VPS8: variants seen among roughly 807,000 people sequenced by gnomAD.
The protein encoded by VPS8 is vacuolar protein sorting-associated protein 8 homolog.
In VPS8, 129 loss-of-function variants were observed where a neutral mutation model predicts 216.4. That is an observed-to-expected ratio of 0.60 (90% CI 0.52 to 0.69). VPS8 has a LOEUF of 0.69. Among genes scored for constraint, VPS8 ranks in the 30% least tolerant of loss-of-function variants. The pLI, the probability that VPS8 is intolerant of heterozygous loss-of-function variation, is 0.00. For missense variants in VPS8, 1,531 were observed against 1,683.5 expected (o/e 0.91, Z 1.59); for synonymous variants, 571 against 565.4 (o/e 1.01, Z -0.14).
chr3:184,902,010 A>AT, intron 25 of VPS8, among the ~76,000 whole-genome samples: 1 of 151,834 alleles, frequency 6.6e-6, no homozygotes, highest in South Asian at 2.1e-4. Context: ...TTTCATTGTG[A>AT]TTTTAATTTT....
At chr3:184,863,156 G>A (rs1336848627) in intron 16 of VPS8, 89 bp downstream of exon 16, 1 of 1,485,226 alleles carries the variant, frequency 6.7e-7, no homozygotes, top group African/African-American at 1.4e-5. Flanking sequence ...AGGAACTCTG[G>A]GGAGTTACCT....
rs549180934 is a variant in VPS8, at chr3:184,951,463, C to G, written c.3036-5911C>G. Among the ~76,000 whole-genome samples, 29 of 148,142 alleles carry G rather than the reference C, an allele frequency of 2.0e-4. No homozygotes were observed. The South Asian group carries it at 5.7e-3, about 29-fold the overall frequency. The stretch of plus-strand genomic sequence containing the variant: ...TTACAGCACTTCACTCCAGCCAGGA[C>G]GACAGAGTGAGACTGTCTAAAAAAA... On this transcript the variant is annotated intron_variant, in intron 36 of 47. Coordinates refer to ENST00000625842, the MANE Select transcript of VPS8 (RefSeq NM_001009921.3).
chr3:184,922,989 A>G (rs923416272), intron 29 of VPS8, among the ~76,000 whole-genome samples: 2 of 152,096 alleles, frequency 1.3e-5, no homozygotes, highest in Non-Finnish European at 2.9e-5. Context: ...TAGAGTTTTT[A>G]TAACTTGAAA....
intron 23 of VPS8, among the ~76,000 whole-genome samples, chr3:184,897,856 T>G (rs1733792494): frequency 6.6e-6 from 1 of 152,140 alleles, no homozygotes; most frequent in Non-Finnish European, 1.5e-5. Context: ...CCTAAATATT[T>G]TCTCTGATTT....
intron 10 of VPS8, among the ~76,000 whole-genome samples, chr3:184,850,872 C>T (rs939861875): frequency 3.3e-5 from 5 of 152,142 alleles, no homozygotes; most frequent in African/African-American, 7.2e-5. Context: ...GACAGAGCAG[C>T]GTTGAAGCAT....
At chr3:184,937,736 T>C (rs909604642) in intron 35 of VPS8, among the ~76,000 whole-genome samples, 1 of 152,156 alleles carries the variant, frequency 6.6e-6, no homozygotes, top group Non-Finnish European at 1.5e-5. Context: ...ATAAAAGCCT[T>C]GAAGGCATAA....
rs770567499 is a variant in VPS8, at chr3:184,870,820, T to C, written c.1734+15T>C. 3 of 1,600,988 alleles carry C rather than the reference T, an allele frequency of 1.9e-6. No individual in the cohort carries two copies. The African/African-American group carries it at 4.0e-5, about 21-fold the overall frequency. On this transcript the variant is annotated intron_variant, in intron 21 of 47. Coordinates refer to ENST00000625842, the MANE Select transcript of VPS8 (RefSeq NM_001009921.3). Reference sequence around the variant, plus strand: ...AGCATTTTCAGGTACACATTGCATGTGCTTCCAGTAGACGATGCTCTGGAT... The same window carrying C: ...AGCATTTTCAGGTACACATTGCATGCGCTTCCAGTAGACGATGCTCTGGAT...
chr3:184,867,093 T>A (rs1727499971), intron 17 of VPS8, 143 bp downstream of exon 17: 1 of 639,042 alleles, frequency 1.6e-6, no homozygotes, highest in South Asian at 3.5e-5. Flanking sequence ...TAGGTAGGCA[T>A]GATTTTTAGT....
At chr3:184,922,343 T>C in intron 29 of VPS8, 1 of 435,362 alleles carries the variant, frequency 2.3e-6, no homozygotes, top group Non-Finnish European at 4.6e-6. Context: ...CTTATCTGTC[T>C]TATGTAGACT....
rs577744210 is a variant in VPS8 at position 184,917,973 on chromosome 3, A to G, written c.2383-2154A>G. On this transcript the variant is annotated intron_variant, in intron 28 of 47. Transcript: ENST00000625842. The stretch of plus-strand genomic sequence containing the variant: ...CCGAGAGGCTTCCCTCCTAATAACC[A>G]TCACATTGGTGATTAGGTTCTCAAC... 4.7e-4 allele frequency among the ~76,000 whole-genome samples: 72 copies of G among 152,290 alleles called. 1 individual carries two copies. Among genetic ancestry groups the G allele is most frequent in the Non-Finnish European group, 8.4e-4 (57 of 68,020 alleles).
At chr3:185,051,391 C>T (rs976179432) in intron 47 of VPS8, among the ~76,000 whole-genome samples, 2 of 152,098 alleles carry the variant, frequency 1.3e-5, no homozygotes, top group Non-Finnish European at 2.9e-5. Context: ...TTGAGGCCTT[C>T]CAGGTTACAG....
At chr3:184,975,636 GA>G in intron 40 of VPS8, among the ~76,000 whole-genome samples, 1 of 152,088 alleles carries the variant, frequency 6.6e-6, no homozygotes, top group South Asian at 2.1e-4. Context: ...CAAGTTCATA[GA>G]AAAAAGGCTT....
rs1349274224 is a variant in VPS8 at position 184,920,176 on chromosome 3, G to A, written c.2432G>A (p.Arg811Gln). The A allele has an allele frequency of 4.6e-6, 7 of 1,522,534 alleles. No individual in the cohort carries two copies. Among genetic ancestry groups the A allele is most frequent in the Non-Finnish European group, 6.2e-6 (7 of 1,135,762 alleles). 94.3% of individuals were successfully genotyped at this position (1,522,534 alleles called of 1,614,324 possible). A position where few individuals can be genotyped will look rare whatever the true frequency, so the allele number is the denominator to read the frequency against. Residue 811 changes from arginine to glutamine, a missense_variant, in exon 29 of 48, where the codon CGA (arginine) becomes CAA (glutamine). Arg to Gln is a conservative substitution (Grantham distance 43). Coordinates refer to ENST00000625842, the MANE Select transcript of VPS8 (RefSeq NM_001009921.3). ...NDKQAVEYQQ[R>Q]IVDILLKVMV... Reference sequence around the variant, plus strand: ...AAGCAAGCTGTGGAATATCAACAGCGAATTGTGGATATTTTGTTGAAAGTA... The same window carrying A: ...AAGCAAGCTGTGGAATATCAACAGCAAATTGTGGATATTTTGTTGAAAGTA...
At chr3:184,984,172 A>T (rs112047443) in intron 42 of VPS8, among the ~76,000 whole-genome samples, 68,439 of 79,888 alleles carry the variant, frequency 0.86, 31,191 homozygotes, top group Non-Finnish European at 0.98. Context: ...CAACAGAGCG[A>T]GACTCCGTCT....
chr3:184,906,436 G>T (rs1735512169), intron 25 of VPS8, among the ~76,000 whole-genome samples: 1 of 152,178 alleles, frequency 6.6e-6, no homozygotes, highest in Non-Finnish European at 1.5e-5. Context: ...AGATATCCGT[G>T]TAGGGAAATT....
intron 4 of VPS8, 146 bp downstream of exon 4, chr3:184,832,965 AC>A: frequency 2.0e-6 from 2 of 989,664 alleles, no homozygotes; most frequent in Non-Finnish European, 2.9e-6. Flanking sequence ...AAATTTTGGT[AC>A]CATTAAGGAA....
intron 14 of VPS8, among the ~76,000 whole-genome samples, chr3:184,858,290 C>T (rs1725654045): frequency 6.6e-6 from 1 of 151,924 alleles, no homozygotes; most frequent in East Asian, 1.9e-4. Flanking sequence ...TTTTGGGCTG[C>T]AAGAGTTACA....
Position 184,966,579 on chromosome 3 carries a change from G to A in VPS8, c.3274-92G>A, listed in dbSNP as rs1009411402. ...TTCTTAATAACCTTGTAGTTTTGAGGGGTTTACCTTTAAAATATGTTAATT... is the reference window on the plus strand; with the variant it reads ...TTCTTAATAACCTTGTAGTTTTGAGAGGTTTACCTTTAAAATATGTTAATT... On this transcript the variant is annotated intron_variant, in intron 38 of 47. Coordinates refer to ENST00000625842, the MANE Select transcript of VPS8 (RefSeq NM_001009921.3). 5.3e-5 allele frequency: 42 copies of A among 788,392 alleles called. No individual in the cohort carries two copies. In the African/African-American group the frequency reaches 6.8e-4, roughly 13 times the overall value. 48.8% of individuals were successfully genotyped at this position (788,392 alleles called of 1,614,324 possible). A position where few individuals can be genotyped will look rare whatever the true frequency, so the allele number is the denominator to read the frequency against.
chr3:184,878,762 GA>G (rs1729739677), intron 21 of VPS8, among the ~76,000 whole-genome samples: 1 of 152,094 alleles, frequency 6.6e-6, no homozygotes, highest in Non-Finnish European at 1.5e-5. Context: ...AAGAAGAAAA[GA>G]AAAATACATA....
Sources: gnomAD v4.1 joint callset for allele counts (sites outside exome capture counted in the v4.1 genomes callset) on GRCh38, gnomAD v4.1.1 for gene constraint, MANE v1.5 for transcripts, NCBI Gene and HGNC (gene_info 2026-07-23, HGNC 2026-07-21) for gene names.